The following TRIM22 variants were observed in gnomAD, a reference collection of about 807,000 sequenced individuals.
The protein encoded by TRIM22 is E3 ubiquitin-protein ligase TRIM22.
A neutral mutation model predicts 53.6 loss-of-function variants in TRIM22; 45 were observed. The observed-to-expected ratio is 0.84, with a 90% confidence interval of 0.66 to 1.08. The LOEUF (loss-of-function observed/expected upper bound fraction) is 1.08, where lower values mean the gene tolerates loss of function less well. TRIM22 is among the 50% of genes least tolerant of loss of function. The probability of loss-of-function intolerance (pLI) is 0.00; values close to 1 mark genes in which losing one functional copy is unlikely to be tolerated. For missense variants in TRIM22, 616 were observed against 590.9 expected (o/e 1.04, Z -0.44); for synonymous variants, 225 against 216.6 (o/e 1.04, Z -0.34).
At chr11:5,696,912 T>C (rs1401943927) in intron 2 of TRIM22, 2 of 528,414 alleles carry the variant, frequency 3.8e-6, no homozygotes, top group Non-Finnish European at 3.3e-6. Flanking sequence ...AAGCTTTCAT[T>C]GCCCCTCCAA....
rs188433029 is a variant in TRIM22 at position 5,696,121 on chromosome 11, C to A, written c.-66-46C>A. 1.3e-3 allele frequency: 1,207 copies of A among 939,744 alleles called. 3 individuals are homozygous for A. Among genetic ancestry groups the A allele is most frequent in the Non-Finnish European group, 1.8e-3 (1,116 of 628,112 alleles). The allele number at this position is 939,744 out of a possible 1,614,324, so 58.2% of individuals were successfully genotyped here. A position where few individuals can be genotyped will look rare whatever the true frequency, so the allele number is the denominator to read the frequency against. Reference sequence around the variant, plus strand: ...TCTAAATCTCTGTAAAAGCAGTATTCTTTCTATTCCTTCTTTTCTTACCCT... The same window carrying A: ...TCTAAATCTCTGTAAAAGCAGTATTATTTCTATTCCTTCTTTTCTTACCCT... On this transcript the variant is annotated intron_variant, in intron 1 of 7. Coordinates refer to ENST00000379965, the MANE Select transcript of TRIM22 (RefSeq NM_006074.5).
At chr11:5,704,141 G>C (rs1398407348) in intron 4 of TRIM22, among the ~76,000 whole-genome samples, 2 of 152,130 alleles carry the variant, frequency 1.3e-5, no homozygotes, top group Non-Finnish European at 2.9e-5. Flanking sequence ...CCCCTGCTGG[G>C]TATATACCCA....
intron 3 of TRIM22, 33 bp from the exon 4 acceptor site, chr11:5,698,282 G>T: frequency 6.3e-7 from 1 of 1,592,966 alleles, no homozygotes; most frequent in South Asian, 1.1e-5. Context: ...CAACCAGCCA[G>T]ACTGACTGCC....
At chr11:5,709,012 T>C (rs749342222) in intron 7 of TRIM22, 41 bp from the exon 8 acceptor site, 3 of 1,465,072 alleles carry the variant, frequency 2.0e-6, no homozygotes, top group Non-Finnish European at 2.9e-6. Flanking sequence ...AAGACACACC[T>C]ATCCCATATC....
rs1298832156 is a variant in TRIM22 at position 5,710,251 on chromosome 11, A to G, written c.*603A>G. The stretch of plus-strand genomic sequence containing the variant: ...ATTTTCCTAATACCTTGGTTTCACT[A>G]GTAGTAAACATTATTATTTTTTTTA... On this transcript the variant is annotated 3_prime_UTR_variant, in exon 8 of 8. Transcript: ENST00000379965. 1 of 152,136 alleles carries G rather than the reference A, an allele frequency of 6.6e-6. No homozygotes were observed. Among genetic ancestry groups the G allele is most frequent in the African/African-American group, 2.4e-5 (1 of 41,532 alleles). The allele number at this position is 152,136 out of a possible 1,614,324, so 9.4% of individuals were successfully genotyped here.
intron 2 of TRIM22, chr11:5,696,897 A>C: frequency 1.9e-6 from 1 of 537,746 alleles, no homozygotes; most frequent in East Asian, 3.0e-5. Flanking sequence ...ATTGCTTTGT[A>C]AGATAAGCTT....
chr11:5,696,473 G>C lies in TRIM22; in HGVS notation c.241G>C (p.Val81Leu), dbSNP rs1262849976. Residue 81 changes from valine to leucine, a missense_variant, in exon 2 of 8, where the codon GTC (valine) becomes CTC (leucine). Coordinates refer to ENST00000379965, the MANE Select transcript of TRIM22 (RefSeq NM_006074.5). ...GCATCTGGCCAACATAGTTGAGAGA[G>C]TCAAAGAGGTCAAGATGAGCCCACA... ...NRHLANIVER[V>L]KEVKMSPQEG... The C allele has an allele frequency of 1.2e-6, 2 of 1,614,158 alleles. No individual in the cohort carries two copies. The highest frequency in any genetic ancestry group is 1.7e-6 in the Non-Finnish European group (2 of 1,180,056).
Position 5,710,787 on chromosome 11 carries a change from A to ATT in TRIM22, c.*1141_*1142dup, listed in dbSNP as rs1310364526. On this transcript the variant is annotated 3_prime_UTR_variant, in exon 8 of 8. Coordinates refer to ENST00000379965, the MANE Select transcript of TRIM22 (RefSeq NM_006074.5). ...GATTATTACTGAAAAGATGTCAGCC[A>ATT]TTTCAATGTCTTGGGAAACAATTTT... 6.6e-6 allele frequency: 1 copy of ATT among 152,164 alleles called. No homozygotes were observed. Among genetic ancestry groups the ATT allele is most frequent in the Non-Finnish European group, 1.5e-5 (1 of 68,026 alleles). 9.4% of individuals were successfully genotyped at this position (152,164 alleles called of 1,614,324 possible). A position where few individuals can be genotyped will look rare whatever the true frequency, so the allele number is the denominator to read the frequency against.
At position 5,710,537 on chromosome 11, in the gene TRIM22, T is replaced by C. The variant is rs761557123; in HGVS notation, c.*889T>C. 1.3e-5 allele frequency: 2 copies of C among 152,220 alleles called. No homozygotes were observed. Among genetic ancestry groups the C allele is most frequent in the Non-Finnish European group, 2.9e-5 (2 of 68,030 alleles). The allele number at this position is 152,220 out of a possible 1,614,324, so 9.4% of individuals were successfully genotyped here. A position where few individuals can be genotyped will look rare whatever the true frequency, so the allele number is the denominator to read the frequency against. ...AAGTCCATAGTAATTTATTTGCTAA[T>C]AGTGGATTTTTAATGCTCAGAGTTT... On this transcript the variant is annotated 3_prime_UTR_variant, in exon 8 of 8. Transcript: ENST00000379965.
At position 5,697,258 on chromosome 11, in the gene TRIM22, A is replaced by C; in HGVS notation, c.434A>C (p.Gln145Pro). 6.2e-7 allele frequency: 1 copy of C among 1,610,040 alleles called. No individual in the cohort carries two copies. Reference protein sequence around the residue: ...EVVKECQEKLQVALQRLIKED... With the variant: ...EVVKECQEKLPVALQRLIKED... ...ATTTATTTCTTACAGGAAAAGCTGC[A>C]GGTAGCCCTGCAGAGGCTGATAAAG... is the stretch of plus-strand genomic sequence containing the variant. Residue 145 changes from glutamine (Q) to proline (P), a missense_variant, in exon 3 of 8, where the codon CAG (glutamine) becomes CCG (proline). Transcript: ENST00000379965.
intron 4 of TRIM22, among the ~76,000 whole-genome samples, chr11:5,704,768 C>G (rs1270303304): frequency 6.6e-6 from 1 of 151,778 alleles, no homozygotes; most frequent in Non-Finnish European, 1.5e-5. Context: ...ATCTTTAGGT[C>G]TTTGATTTAT....
chr11:5,709,919 C>T lies in TRIM22; in HGVS notation c.*271C>T. The T allele has an allele frequency of 2.4e-6, 1 of 424,870 alleles. No homozygotes were observed. The highest frequency in any genetic ancestry group is 4.1e-5 in the South Asian group (1 of 24,430). The allele number at this position is 424,870 out of a possible 1,614,324, so 26.3% of individuals were successfully genotyped here. On this transcript the variant is annotated 3_prime_UTR_variant, in exon 8 of 8. Transcript: ENST00000379965. ...TTTCTGAGGTCTGCAAGGAAGGGCT[C>T]TGTTCCATGCCTCTCTCCTTGGCTT...
At chr11:5,695,525 T>A (rs1853243670) in intron 1 of TRIM22, among the ~76,000 whole-genome samples, 2 of 151,772 alleles carry the variant, frequency 1.3e-5, no homozygotes, top group South Asian at 4.2e-4. Context: ...TAGTAGTGGT[T>A]GCCTGGAGCT....
chr11:5,703,073 C>T (rs1160455784), intron 4 of TRIM22, among the ~76,000 whole-genome samples: 1 of 152,160 alleles, frequency 6.6e-6, no homozygotes. Context: ...ATTTTAGATA[C>T]AGGGAGTATA....
chr11:5,698,868 CAA>C (rs1387453233), intron 4 of TRIM22, among the ~76,000 whole-genome samples: 1 of 152,190 alleles, frequency 6.6e-6, no homozygotes, highest in Non-Finnish European at 1.5e-5. Context: ...TGTTTGCAGT[CAA>C]TATCTGTTTC....
At chr11:5,706,413 A>G (rs963933768) in intron 4 of TRIM22, 181 bp from the exon 5 acceptor site, 3 of 430,714 alleles carry the variant, frequency 7.0e-6, no homozygotes, top group Admixed American at 4.2e-5. Context: ...ATGCTCAGTT[A>G]AAGTTTAATT....
At chr11:5,693,814 G>A (rs1415586061) in intron 1 of TRIM22, among the ~76,000 whole-genome samples, 1 of 151,162 alleles carries the variant, frequency 6.6e-6, no homozygotes, top group Non-Finnish European at 1.5e-5. Context: ...AGTACCAAAA[G>A]TGGTTGGCTT....
rs61735328 is a variant in TRIM22 at position 5,709,515 on chromosome 11, C to T, written c.1364C>T (p.Ser455Leu). ...CTAGACTATGAGGCAGGCATTGTCT[C>T]ATTTTTCAATGTCACAAACCACGGA... is the stretch of plus-strand genomic sequence containing the variant. The part of the protein sequence containing the change: ...VFLDYEAGIV[S>L]FFNVTNHGAL... Residue 455 changes from serine to leucine, a missense_variant, in exon 8 of 8, where the codon TCA becomes TTA. Physicochemically the swap from Ser to Leu is moderately radical, Grantham distance 145. Coordinates refer to ENST00000379965, the MANE Select transcript of TRIM22 (RefSeq NM_006074.5). 1.2e-6 allele frequency: 2 copies of T among 1,614,172 alleles called. No homozygotes were observed. Among genetic ancestry groups the T allele is most frequent in the South Asian group, 1.1e-5 (1 of 91,082 alleles).
intron 1 of TRIM22, among the ~76,000 whole-genome samples, chr11:5,695,554 G>A (rs1853243896): frequency 6.9e-6 from 1 of 144,808 alleles, no homozygotes; most frequent in African/African-American, 2.5e-5. Flanking sequence ...GAATAGGAGT[G>A]ATGGCATTAG....
Sources: allele counts gnomAD v4.1 joint callset (sites outside exome capture counted in the v4.1 genomes callset), GRCh38; gene constraint gnomAD v4.1.1; transcripts MANE v1.5; gene names NCBI Gene and HGNC (gene_info 2026-07-23, HGNC 2026-07-21).